LAMA2: variants seen among roughly 807,000 people sequenced by gnomAD.
LAMA2 encodes laminin subunit alpha-2.
In LAMA2, 269 loss-of-function variants were observed where a neutral mutation model predicts 364.8. The ratio of observed to expected loss-of-function variants is 0.74; its 90% CI spans 0.67 to 0.82. The LOEUF is 0.82. Ranked by LOEUF, LAMA2 falls within the 40% of genes least tolerant of loss-of-function variation. LAMA2 has a pLI of 0.00. For missense variants in LAMA2, 3,807 were observed against 3,873.2 expected (o/e 0.98, Z 0.45); for synonymous variants, 1,379 against 1,370.6 (o/e 1.01, Z -0.14).
intron 12 of LAMA2, among the ~76,000 whole-genome samples, chr6:129,213,491 C>A (rs1050982532): frequency 8.5e-5 from 13 of 152,144 alleles, no homozygotes; most frequent in Non-Finnish European, 1.0e-4. Context: ...TGCATTCTCA[C>A]CAGCAATGAA....
At chr6:129,175,047 C>T (rs1371811723) in intron 9 of LAMA2, among the ~76,000 whole-genome samples, 1 of 152,128 alleles carries the variant, frequency 6.6e-6, no homozygotes, top group Non-Finnish European at 1.5e-5. Context: ...CTATTTAATG[C>T]CTTTGCAAAC....
intron 1 of LAMA2, among the ~76,000 whole-genome samples, chr6:128,949,338 C>T (rs1312969476): frequency 6.6e-6 from 1 of 152,130 alleles, no homozygotes; most frequent in Non-Finnish European, 1.5e-5. Context: ...CACCCTGCCC[C>T]AGCTCTCCTT....
At chr6:128,979,144 T>C (rs1027557981) in intron 1 of LAMA2, among the ~76,000 whole-genome samples, 1 of 152,358 alleles carries the variant, frequency 6.6e-6, no homozygotes, top group South Asian at 2.1e-4. Context: ...TGGTCTCTGT[T>C]GCAATTACTC....
chr6:129,216,917 G>A (rs1562341286), intron 12 of LAMA2, among the ~76,000 whole-genome samples: 2 of 152,272 alleles, frequency 1.3e-5, no homozygotes, highest in Non-Finnish European at 2.9e-5. Context: ...AGGGTTGGGC[G>A]TGGGGGCTCA....
chr6:129,366,087 A>T (rs1415838772), intron 32 of LAMA2, 132 bp from the exon 33 acceptor site: 2 of 935,118 alleles, frequency 2.1e-6, no homozygotes, highest in Admixed American at 1.8e-5. Context: ...TAGCATTAAT[A>T]TTCTGAGATG....
At chr6:129,087,425 A>G (rs1422959844) in intron 3 of LAMA2, among the ~76,000 whole-genome samples, 1 of 152,214 alleles carries the variant, frequency 6.6e-6, no homozygotes, top group Non-Finnish European at 1.5e-5. Flanking sequence ...GCGCACATAC[A>G]GGGGTTGGAG....
intron 1 of LAMA2, among the ~76,000 whole-genome samples, chr6:128,982,541 G>T (rs1421191785): frequency 6.6e-6 from 1 of 152,048 alleles, no homozygotes. Flanking sequence ...AGTGAAAATT[G>T]TATATCACTG....
chr6:129,224,870 C>T (rs2115107673), intron 12 of LAMA2, among the ~76,000 whole-genome samples: 1 of 152,274 alleles, frequency 6.6e-6, no homozygotes, highest in East Asian at 1.9e-4. Context: ...AGAGGATTCC[C>T]TCTTTTTCTA....
chr6:129,454,113 T>C (rs1179543745), intron 46 of LAMA2, 42 bp from the exon 47 acceptor site: 3 of 1,589,874 alleles, frequency 1.9e-6, no homozygotes, highest in Admixed American at 1.7e-5. Flanking sequence ...TTAAAGGTGC[T>C]TTATATCTGA....
intron 12 of LAMA2, among the ~76,000 whole-genome samples, chr6:129,227,311 G>T (rs1784364079): frequency 6.6e-6 from 1 of 152,126 alleles, no homozygotes; most frequent in African/African-American, 2.4e-5. Flanking sequence ...TTGATCGTCT[G>T]AAGCCTTCTT....
At chr6:129,491,848 A>G (rs1784878037) in intron 56 of LAMA2, 53 bp from the exon 57 acceptor site, 4 of 1,403,360 alleles carry the variant, frequency 2.9e-6, no homozygotes, top group South Asian at 2.4e-5. Context: ...TTGATTTCCA[A>G]CTGTATTGAA....
intron 1 of LAMA2, among the ~76,000 whole-genome samples, chr6:128,968,048 A>G (rs1781956331): frequency 6.6e-6 from 1 of 152,162 alleles, no homozygotes; most frequent in Non-Finnish European, 1.5e-5. Flanking sequence ...GATTCCTTCT[A>G]CAGATCAAAA....
chr6:129,005,521 T>G (rs1310823323), intron 1 of LAMA2, among the ~76,000 whole-genome samples: 3 of 151,956 alleles, frequency 2.0e-5, no homozygotes, highest in Non-Finnish European at 4.4e-5. Context: ...TAGATAACTT[T>G]TTGATTTCTC....
At chr6:129,322,978 TAGTGGC>T (rs1775059154) in intron 28 of LAMA2, among the ~76,000 whole-genome samples, 1 of 152,212 alleles carries the variant, frequency 6.6e-6, no homozygotes, top group Admixed American at 6.5e-5. Flanking sequence ...TCATCTGCAT[TAGTGGC>T]TTCACCGTCC....
intron 16 of LAMA2, 51 bp from the exon 17 acceptor site, chr6:129,270,573 G>A: frequency 6.2e-7 from 1 of 1,607,070 alleles, no homozygotes; most frequent in Non-Finnish European, 8.5e-7. Flanking sequence ...TTGGCAACAT[G>A]TTGATCCCTG....
At chr6:129,152,991 C>A (rs576203695) in intron 7 of LAMA2, among the ~76,000 whole-genome samples, 19 of 152,278 alleles carry the variant, frequency 1.2e-4, no homozygotes, top group African/African-American at 4.1e-4. Flanking sequence ...CCTACACACA[C>A]ACACACACAC....
chr6:129,092,991 T>A (rs985422387), intron 3 of LAMA2, among the ~76,000 whole-genome samples: 1 of 152,120 alleles, frequency 6.6e-6, no homozygotes, highest in East Asian at 1.9e-4. Flanking sequence ...AGATTTGTGA[T>A]TCTTCTGGGG....
At chr6:128,889,221 C>T (rs1014310990) in intron 1 of LAMA2, among the ~76,000 whole-genome samples, 2 of 152,192 alleles carry the variant, frequency 1.3e-5, no homozygotes, top group Admixed American at 6.5e-5. Flanking sequence ...CACAATCCCA[C>T]ATGGACATAT....
rs1018044976 is a variant in LAMA2, at chr6:129,132,418, G to A, written c.640-11483G>A. Among the ~76,000 whole-genome samples, 7 of 152,062 alleles carry A rather than the reference G, an allele frequency of 4.6e-5. No individual in the cohort carries two copies. In the South Asian group the frequency reaches 6.2e-4, roughly 14 times the overall value. ...CCTGACCTCGTGATCGGCCCGCCTC[G>A]GCCTCCCAAAGTGCTGGGATTACAG... On this transcript the variant is annotated intron_variant, in intron 4 of 64. Coordinates refer to ENST00000421865, the MANE Select transcript of LAMA2 (RefSeq NM_000426.4).
Sources: gnomAD v4.1 joint callset for allele counts (sites outside exome capture counted in the v4.1 genomes callset) on GRCh38, gnomAD v4.1.1 for gene constraint, MANE v1.5 for transcripts, NCBI Gene and HGNC (gene_info 2026-07-23, HGNC 2026-07-21) for gene names.